The following TRPM2 variants were observed in gnomAD, a reference collection of about 807,000 sequenced individuals.
The protein encoded by TRPM2 is estrogen-responsive element-associated gene 1 protein.
TRPM2 carries 161 observed loss-of-function variants against 174.0 expected under a neutral mutation model. That is an observed-to-expected ratio of 0.93 (90% confidence interval 0.81 to 1.05). The LOEUF (loss-of-function observed/expected upper bound fraction) is 1.05. Among genes scored for constraint, TRPM2 ranks in the 50% least tolerant of loss-of-function variants. The pLI, the probability that TRPM2 is intolerant of heterozygous loss-of-function variation, is 0.00. For missense variants in TRPM2, 2,057 were observed against 2,038.0 expected, an observed-to-expected ratio of 1.01 and a Z score of -0.18; for synonymous variants, 954 against 861.3, an observed-to-expected ratio of 1.11 and a Z score of -1.88.
At chr21:44,374,511 A>G (rs2048638860) in intron 5 of TRPM2, among the ~76,000 whole-genome samples, 1 of 152,040 alleles carries the variant, frequency 6.6e-6, no homozygotes, top group African/African-American at 2.4e-5. Flanking sequence ...AGCTCACCAT[A>G]ATGTAGGATC....
intron 5 of TRPM2, among the ~76,000 whole-genome samples, chr21:44,370,630 T>C (rs1032208297): frequency 6.6e-6 from 1 of 152,062 alleles, no homozygotes; most frequent in African/African-American, 2.4e-5. Context: ...GTGCGTCCAT[T>C]CCCCGGGCGG....
chr21:44,391,605 G>A lies in TRPM2; in HGVS notation c.1774G>A (p.Val592Ile), dbSNP rs373139715. Residue 592 changes from valine (V) to isoleucine (I), a missense_variant, in exon 11 of 32, where the codon GTT becomes ATT. Transcript: ENST00000397928. This position sits in a 1 kb window ranked among gnomAD's most constrained non-coding sequence, Gnocchi z 5.0. The stretch of plus-strand genomic sequence containing the variant: ...CGACCGGCTGCGGCTCCTGCTGCCC[G>A]TTCCCCACGTCAAGCTCAACGTGCG... ...HNDRLRLLLP[V>I]PHVKLNVQGV... The A allele has an allele frequency of 7.6e-6, 12 of 1,579,722 alleles. No homozygotes were observed. The highest frequency in any genetic ancestry group is 4.0e-5 in the African/African-American group (3 of 74,386).
At chr21:44,393,163 T>A (rs911846025) in intron 11 of TRPM2, among the ~76,000 whole-genome samples, 1 of 152,208 alleles carries the variant, frequency 6.6e-6, no homozygotes, top group African/African-American at 2.4e-5. Flanking sequence ...CCCTAGTCTG[T>A]TTACCCTTTT....
At chr21:44,374,015 CTTT>C (rs1015267813) in intron 5 of TRPM2, among the ~76,000 whole-genome samples, 1 of 145,322 alleles carries the variant, frequency 6.9e-6, no homozygotes. Context: ...CTCTCTCTCT[CTTT>C]TTTTTTTTTT....
intron 19 of TRPM2, among the ~76,000 whole-genome samples, chr21:44,407,500 C>T (rs1299289316): frequency 8.0e-6 from 1 of 125,308 alleles, no homozygotes; most frequent in African/African-American, 3.1e-5. Flanking sequence ...AGAGAAATTT[C>T]ACCTGGATAA....
intron 8 of TRPM2, among the ~76,000 whole-genome samples, chr21:44,382,095 T>A (rs2048899228): frequency 6.6e-6 from 1 of 151,744 alleles, no homozygotes; most frequent in Admixed American, 6.6e-5. Context: ...GAAAGATGGA[T>A]GGATGGATGG....
chr21:44,418,301 G>A (rs1004407921), intron 21 of TRPM2, 122 bp from the exon 22 acceptor site: 42 of 1,430,984 alleles, frequency 2.9e-5, no homozygotes, highest in Non-Finnish European at 3.7e-5. Context: ...GCAGGTGTGC[G>A]ATGGGCTCTT....
intron 31 of TRPM2, among the ~76,000 whole-genome samples, chr21:44,441,292 C>T (rs556733652): frequency 6.6e-6 from 1 of 152,254 alleles, no homozygotes; most frequent in African/African-American, 2.4e-5. Flanking sequence ...CCAGGGAGGC[C>T]TCGAAGATGG....
At position 44,418,517 on chromosome 21, in the gene TRPM2, G is replaced by A. The variant is rs745375839; in HGVS notation, c.3423G>A (p.Lys1141=). ...TCCAGAACCGACAGTTCCAGCAAAA[G>A]CAGCGGCCCGAGCAGAAGATCGAGG... ...NYLQNRQFQQ[K]QRPEQKIEDI... The change falls in exon 22 of 32, where the codon AAG becomes AAA. Residue 1141 remains lysine (K), a synonymous_variant. Coordinates refer to ENST00000397928, the MANE Select transcript of TRPM2 (RefSeq NM_003307.4). 2.5e-6 allele frequency: 4 copies of A among 1,614,146 alleles called. No individual in the cohort carries two copies. Among genetic ancestry groups the A allele is most frequent in the Non-Finnish European group, 3.4e-6 (4 of 1,180,014 alleles).
chr21:44,442,193 T>G lies in TRPM2; in HGVS notation c.*376T>G. On this transcript the variant is annotated 3_prime_UTR_variant, in exon 32 of 32. Transcript: ENST00000397928. The stretch of plus-strand genomic sequence containing the variant: ...ATGGAGGTCATTGGCCTGAGGCAAG[T>G]TCCCCGGAGAGTCGGGGTCCCCTGT... 14 of 181,436 alleles carry G rather than the reference T, an allele frequency of 7.7e-5. No individual in the cohort carries two copies. The highest frequency in any genetic ancestry group is 1.9e-4 in the South Asian group (1 of 5,178). 11.2% of individuals were successfully genotyped at this position (181,436 alleles called of 1,614,324 possible). A position where few individuals can be genotyped will look rare whatever the true frequency, so the allele number is the denominator to read the frequency against.
Position 44,401,724 on chromosome 21 carries a change from C to A in TRPM2, c.2365C>A (p.Arg789Ser), listed in dbSNP as rs769715402. 3 of 1,613,242 alleles carry A rather than the reference C, an allele frequency of 1.9e-6. No homozygotes were observed. Among genetic ancestry groups the A allele is most frequent in the South Asian group, 2.2e-5 (2 of 91,088 alleles). Residue 789 changes from arginine (R) to serine (S), a missense_variant, in exon 16 of 32, where the codon CGT becomes AGT. Transcript: ENST00000397928. ...TGTGGGCACCCCCGCGGCCCGCGCC[C>A]GTGCCTTCTTCACCGCACCCGTGGT... ...QDVGTPAARARAFFTAPVVVF... is the reference protein window; with the variant it reads ...QDVGTPAARASAFFTAPVVVF...
intron 28 of TRPM2, 100 bp downstream of exon 28, chr21:44,435,317 C>T (rs554994531): frequency 1.1e-4 from 145 of 1,330,672 alleles, no homozygotes; most frequent in Non-Finnish European, 1.2e-4. Flanking sequence ...GCCGGGAGGG[C>T]GGCTTTGATG....
rs181055334 is a variant in TRPM2 at position 44,402,995 on chromosome 21, C to T, written c.2538+1098C>T. On this transcript the variant is annotated intron_variant, in intron 16 of 31. Coordinates refer to ENST00000397928, the MANE Select transcript of TRPM2 (RefSeq NM_003307.4). Reference sequence around the variant, plus strand: ...ACTGGGGCCCTGGGGGAGGCACCGGCGTCCCCAGGAAGGAAGATCAGGTCC... The same window carrying T: ...ACTGGGGCCCTGGGGGAGGCACCGGTGTCCCCAGGAAGGAAGATCAGGTCC... 6.6e-5 allele frequency among the ~76,000 whole-genome samples: 10 copies of T among 152,242 alleles called. No homozygotes were observed. In the East Asian group the frequency reaches 1.5e-3, roughly 24 times the overall value.
At chr21:44,403,536 A>C (rs1025666072) in intron 16 of TRPM2, among the ~76,000 whole-genome samples, 1 of 150,750 alleles carries the variant, frequency 6.6e-6, no homozygotes, top group Admixed American at 6.6e-5. Flanking sequence ...AAATGCACAC[A>C]CACATAGGCA....
intron 9 of TRPM2, among the ~76,000 whole-genome samples, chr21:44,384,634 T>C (rs1456168995): frequency 4.6e-5 from 7 of 152,186 alleles, no homozygotes; most frequent in Admixed American, 3.9e-4. Flanking sequence ...CCTCCCAACA[T>C]TATTATACTG....
intron 20 of TRPM2, among the ~76,000 whole-genome samples, 161 bp downstream of exon 20, chr21:44,414,235 C>G (rs888058553): frequency 8.5e-5 from 13 of 152,330 alleles, no homozygotes; most frequent in African/African-American, 3.1e-4. Context: ...CAGCCACTCT[C>G]TGTGGTCACT....
intron 28 of TRPM2, among the ~76,000 whole-genome samples, chr21:44,436,086 CACA>C (rs2051254773): frequency 6.6e-6 from 1 of 152,058 alleles, no homozygotes; most frequent in Admixed American, 6.5e-5. Flanking sequence ...CACACCCATT[CACA>C]CACAGGGACA....
chr21:44,383,580 C>A (rs1374103249), intron 9 of TRPM2, among the ~76,000 whole-genome samples: 1 of 152,202 alleles, frequency 6.6e-6, no homozygotes, highest in Non-Finnish European at 1.5e-5. Flanking sequence ...AAACCTCACA[C>A]AAACAGCGAG....
rs894258338 is a variant in TRPM2, at chr21:44,439,829, C to T, written c.4269+661C>T. 1.3e-5 allele frequency among the ~76,000 whole-genome samples: 2 copies of T among 152,124 alleles called. No individual in the cohort carries two copies. Among genetic ancestry groups the T allele is most frequent in the African/African-American group, 2.4e-5 (1 of 41,452 alleles). Reference sequence around the variant, plus strand: ...CTCCACCTCCCGGGCTCAAGCAATGCTCTTGCCTTGGCCTCCCAGGCAGCA... The same window carrying T: ...CTCCACCTCCCGGGCTCAAGCAATGTTCTTGCCTTGGCCTCCCAGGCAGCA... On this transcript the variant is annotated intron_variant, in intron 30 of 31. Coordinates refer to ENST00000397928, the MANE Select transcript of TRPM2 (RefSeq NM_003307.4). The surrounding 1 kb of genome is among the most constrained non-coding windows in gnomAD (Gnocchi z 5.1).
Sources: allele counts gnomAD v4.1 joint callset (sites outside exome capture counted in the v4.1 genomes callset), GRCh38; gene constraint gnomAD v4.1.1; non-coding constraint Gnocchi (gnomAD v3.1); transcripts MANE v1.5; gene names NCBI Gene and HGNC (gene_info 2026-07-23, HGNC 2026-07-21).